DSCAML1: variants seen among roughly 807,000 people sequenced by gnomAD.
The protein encoded by DSCAML1 is DS cell adhesion molecule like 1, also known as cell adhesion molecule DSCAML1.
Under a neutral mutation model 200.5 loss-of-function variants are expected in DSCAML1, and 38 were observed. The observed-to-expected ratio is 0.19, with a 90% CI of 0.15 to 0.25. The LOEUF (loss-of-function observed/expected upper bound fraction) is 0.25. Among genes scored for constraint, DSCAML1 ranks in the 10% least tolerant of loss-of-function variants. The pLI is 1.00. For missense variants in DSCAML1, 2,223 were observed against 2,858.8 expected (o/e 0.78, Z 5.07); for synonymous variants, 1,215 against 1,165.0 (o/e 1.04, Z -0.87).
intron 3 of DSCAML1, among the ~76,000 whole-genome samples, chr11:117,575,882 C>CA (rs1368430791): frequency 4.1e-5 from 5 of 123,364 alleles, no homozygotes; most frequent in African/African-American, 1.2e-4. Flanking sequence ...CAAAACAAAA[C>CA]AAACAAAAAA....
intron 2 of DSCAML1, among the ~76,000 whole-genome samples, chr11:117,778,658 T>C (rs953369759): frequency 1.3e-5 from 2 of 152,274 alleles, no homozygotes; most frequent in Non-Finnish European, 2.9e-5. Context: ...CTCTCTTTGT[T>C]TTAATCTCTT....
At chr11:117,561,820 C>A (rs1486352924) in intron 3 of DSCAML1, among the ~76,000 whole-genome samples, 4 of 152,378 alleles carry the variant, frequency 2.6e-5, no homozygotes, top group Admixed American at 1.3e-4. Context: ...CTTATGTATT[C>A]ATCTCCCCAT....
At chr11:117,599,136 C>CAGAAATCTTTTCTTAAT (rs11274556) in intron 3 of DSCAML1, among the ~76,000 whole-genome samples, 1 of 151,886 alleles carries the variant, frequency 6.6e-6, no homozygotes, top group African/African-American at 2.4e-5. Context: ...GCCGCAAAAC[C>CAGAAATCTTTTCTTAAT]ACCTCACAGG....
chr11:117,775,394 G>A (rs1336287244), intron 3 of DSCAML1, among the ~76,000 whole-genome samples: 1 of 152,104 alleles, frequency 6.6e-6, no homozygotes, highest in African/African-American at 2.4e-5. Context: ...GCCCTCAGAG[G>A]CTCTCCTCCC....
rs530431658 is a variant in DSCAML1, at chr11:117,528,956, G to C, written c.658+3420C>G. The stretch of plus-strand genomic sequence containing the variant: ...CGCCCCCCCCCTTGGGAATGTAGTA[G>C]GAATAACAATGTAGCAACAGCAGAA... On this transcript the variant is annotated intron_variant, in intron 4 of 32. Transcript: ENST00000651296. Among the ~76,000 whole-genome samples the C allele has an allele frequency of 1.7e-4, 25 of 146,340 alleles. No homozygotes were observed. In the South Asian group the frequency reaches 4.6e-3, roughly 27 times the overall value.
intron 1 of DSCAML1, among the ~76,000 whole-genome samples, chr11:117,783,514 G>A (rs1205088583): frequency 6.6e-6 from 1 of 152,020 alleles, no homozygotes; most frequent in Non-Finnish European, 1.5e-5. Flanking sequence ...TACAGGCCAG[G>A]CTCTGTGCCA....
At chr11:117,797,569 C>T (rs865829930), upstream of DSCAML1, among the ~76,000 whole-genome samples, 9 of 152,218 alleles carry the variant, frequency 5.9e-5, no homozygotes, top group Admixed American at 1.3e-4. Flanking sequence ...CTTCCTGCCT[C>T]TTTCGGACTC....
At chr11:117,704,547 G>T (rs2053725286) in intron 3 of DSCAML1, among the ~76,000 whole-genome samples, 1 of 152,148 alleles carries the variant, frequency 6.6e-6, no homozygotes, top group East Asian at 1.9e-4. Context: ...ACCATCATGG[G>T]CCAAGCCTGG....
At chr11:117,813,776 T>C (rs1291358821) in intron 1 of DSCAML1, among the ~76,000 whole-genome samples, 5 of 152,200 alleles carry the variant, frequency 3.3e-5, no homozygotes, top group African/African-American at 1.2e-4. Flanking sequence ...TAATCCCGCT[T>C]GAAGCAGCCC....
At chr11:117,788,076 T>C (rs1458464309) in intron 1 of DSCAML1, among the ~76,000 whole-genome samples, 1 of 152,156 alleles carries the variant, frequency 6.6e-6, no homozygotes, top group Non-Finnish European at 1.5e-5. Context: ...TGTTGCATCT[T>C]GGAAACTGTC....
rs540683549 is a variant in DSCAML1, at chr11:117,489,819, C to T, written c.2360-7657G>A. On this transcript the variant is annotated intron_variant, in intron 11 of 32. Transcript: ENST00000651296. This position sits in a 1 kb window ranked among gnomAD's most constrained non-coding sequence, Gnocchi z 4.8. Reference sequence around the variant, plus strand: ...CATCCCCTGCATGGCACGTGTCCTCCGGCAGCGTCCTTGCCTCCTTGTGTG... The same window carrying T: ...CATCCCCTGCATGGCACGTGTCCTCTGGCAGCGTCCTTGCCTCCTTGTGTG... Among the ~76,000 whole-genome samples, 9 of 152,332 alleles carry T rather than the reference C, an allele frequency of 5.9e-5. No individual in the cohort carries two copies. Among genetic ancestry groups the T allele is most frequent in the African/African-American group, 1.9e-4 (8 of 41,572 alleles).
chr11:117,709,607 C>T (rs2053807551), intron 3 of DSCAML1: 14 of 431,902 alleles, frequency 3.2e-5, no homozygotes, highest in South Asian at 2.3e-4. Flanking sequence ...CTATTTATTT[C>T]CCCCATTGCA....
chr11:117,647,619 G>A (rs2052543405), intron 3 of DSCAML1, among the ~76,000 whole-genome samples: 1 of 152,212 alleles, frequency 6.6e-6, no homozygotes, highest in Non-Finnish European at 1.5e-5. Flanking sequence ...AGAGGACTTG[G>A]GGAGTAGGGA....
chr11:117,505,840 G>T lies in DSCAML1; in HGVS notation c.1784-108C>A. ...GGCTCTGGGTTGGGCCTTGAACAAAGATCCCCTGGGGCACTGCAGCCTTGT... is the reference window on the plus strand; with the variant it reads ...GGCTCTGGGTTGGGCCTTGAACAAATATCCCCTGGGGCACTGCAGCCTTGT... On this transcript the variant is annotated intron_variant, in intron 8 of 32. Transcript: ENST00000651296. This position sits in a 1 kb window ranked among gnomAD's most constrained non-coding sequence, Gnocchi z 6.7. The T allele has an allele frequency of 7.4e-7, 1 of 1,347,020 alleles. No homozygotes were observed. The highest frequency in any genetic ancestry group is 1.0e-6 in the Non-Finnish European group (1 of 1,000,826). The allele number at this position is 1,347,020 out of a possible 1,614,324, so 83.4% of individuals were successfully genotyped here.
Position 117,435,741 on chromosome 11 carries a change from G to A in DSCAML1, c.4779C>T (p.Phe1593=), listed in dbSNP as rs1468022487. The A allele has an allele frequency of 1.9e-6, 3 of 1,613,602 alleles. No homozygotes were observed. The highest frequency in any genetic ancestry group is 1.7e-5 in the Admixed American group (1 of 60,022). Residue 1593 remains phenylalanine, a synonymous_variant, in exon 27 of 33, where the codon TTC becomes TTT. Coordinates refer to ENST00000651296, the MANE Select transcript of DSCAML1 (RefSeq NM_020693.4). ...CCAGGATGACAGGGCAGCCGATGGT[G>A]AACAGCTTCTTCACATCATCCCCTT... The part of the protein sequence containing the change: ...QGEGDDVKKL[F]TIGCPVILAT...
chr11:117,582,318 G>T (rs1483503493), intron 3 of DSCAML1, among the ~76,000 whole-genome samples: 1 of 152,186 alleles, frequency 6.6e-6, no homozygotes, highest in African/African-American at 2.4e-5. Flanking sequence ...CTGAGCTGTG[G>T]CTGGGGAAGG....
chr11:117,734,801 G>A (rs76659824), intron 3 of DSCAML1, among the ~76,000 whole-genome samples: 4,203 of 152,294 alleles, frequency 0.028, 181 homozygotes, highest in African/African-American at 0.095. Context: ...AGACGAGACA[G>A]GTGAGAAAGG....
chr11:117,753,342 CATT>C (rs1160372450), intron 3 of DSCAML1, among the ~76,000 whole-genome samples: 3 of 152,170 alleles, frequency 2.0e-5, no homozygotes, highest in Non-Finnish European at 4.4e-5. Context: ...AGTGGTCCCG[CATT>C]CTTCTCCTCC....
rs565181122 is a variant in DSCAML1 at position 117,795,995 on chromosome 11, C to A, written c.46+1039G>T. Reference sequence around the variant, plus strand: ...AGCTTGTTGGAGCGTGTGTGCTCCACCACGCAAGGGCGCGGAGTTCGGCCG... The same window carrying A: ...AGCTTGTTGGAGCGTGTGTGCTCCAACACGCAAGGGCGCGGAGTTCGGCCG... On this transcript the variant is annotated intron_variant, in intron 1 of 32. Transcript: ENST00000651296. Among the ~76,000 whole-genome samples the A allele has an allele frequency of 3.3e-5, 5 of 152,348 alleles. No individual in the cohort carries two copies. In the East Asian group the frequency reaches 9.7e-4, roughly 29 times the overall value.
Sources: allele counts gnomAD v4.1 joint callset (sites outside exome capture counted in the v4.1 genomes callset), GRCh38; gene constraint gnomAD v4.1.1; non-coding constraint Gnocchi (gnomAD v3.1); transcripts MANE v1.5; gene names NCBI Gene and HGNC (gene_info 2026-07-23, HGNC 2026-07-21).